DOK5: variants seen among roughly 807,000 people sequenced by gnomAD.
The protein encoded by DOK5 is downstream of tyrosine kinase 5.
Under a neutral mutation model 43.3 loss-of-function variants are expected in DOK5, and 27 were observed. The ratio of observed to expected loss-of-function variants is 0.62; its 90% CI spans 0.46 to 0.86. The LOEUF (loss-of-function observed/expected upper bound fraction) is 0.86, where lower values mean the gene tolerates loss of function less well. Among genes scored for constraint, DOK5 ranks in the 40% least tolerant of loss-of-function variants. DOK5 has a pLI of 0.00. For missense variants in DOK5, 373 were observed against 392.9 expected, an observed-to-expected ratio of 0.95 and a Z score of 0.43; for synonymous variants, 146 against 140.1, an observed-to-expected ratio of 1.04 and a Z score of -0.30.
chr20:54,519,481 G>A (rs533489509), intron 1 of DOK5, among the ~76,000 whole-genome samples: 18 of 151,904 alleles, frequency 1.2e-4, no homozygotes, highest in Non-Finnish European at 2.5e-4. Flanking sequence ...CCTCTATAAG[G>A]ATGCAAAAGT....
intron 1 of DOK5, among the ~76,000 whole-genome samples, chr20:54,542,667 T>A (rs960971908): frequency 6.6e-6 from 1 of 152,128 alleles, no homozygotes; most frequent in African/African-American, 2.4e-5. Flanking sequence ...GAAAAACACA[T>A]ACTACAGGAC....
intron 5 of DOK5, among the ~76,000 whole-genome samples, chr20:54,608,272 T>C (rs555136735): frequency 6.6e-6 from 1 of 152,114 alleles, no homozygotes; most frequent in South Asian, 2.1e-4. Context: ...TAAATAAATA[T>C]ACAGTGACCT....
intron 1 of DOK5, among the ~76,000 whole-genome samples, chr20:54,554,495 A>G (rs1367205328): frequency 1.3e-5 from 2 of 152,234 alleles, no homozygotes; most frequent in African/African-American, 4.8e-5. Flanking sequence ...ACCATCCATT[A>G]TGAGGAATAT....
rs1215364485 is a variant in DOK5 at position 54,634,761 on chromosome 20, CT to C, written c.736-8685del. On this transcript the variant is annotated intron_variant, in intron 6 of 7. Coordinates refer to ENST00000262593, the MANE Select transcript of DOK5 (RefSeq NM_018431.5). ...TCTTCAGGGCATATACTACTATCTG[CT>C]TTTTTTTTTTTGGTAACAGGTTTAT... Among the ~76,000 whole-genome samples, 604 of 141,376 alleles carry C rather than the reference CT, an allele frequency of 4.3e-3. 3 individuals are homozygous for C. The highest frequency in any genetic ancestry group is 0.015 in the Middle Eastern group (4 of 268). 92.7% of individuals were successfully genotyped at this position (141,376 alleles called of 152,430 possible).
In DOK5 at chr20:54,638,010, G is replaced by T. The variant is rs947861728; in HGVS notation, c.736-5448G>T. Among the ~76,000 whole-genome samples, 5 of 151,616 alleles carry T rather than the reference G, an allele frequency of 3.3e-5. 1 individual carries two copies. Among genetic ancestry groups the T allele is most frequent in the South Asian group, 4.2e-4 (2 of 4,792 alleles). ...GGTGGCGGGCACCTGTAGTCCCAGT[G>T]ACTTGGGAGGCTGAGGCAGGAGAAT... On this transcript the variant is annotated intron_variant, in intron 6 of 7. Coordinates refer to ENST00000262593, the MANE Select transcript of DOK5 (RefSeq NM_018431.5).
intron 5 of DOK5, among the ~76,000 whole-genome samples, chr20:54,607,403 G>GGTGGGTGTGTGT (rs1986504540): frequency 6.9e-6 from 1 of 145,544 alleles, no homozygotes; most frequent in South Asian, 2.2e-4. Context: ...AGTGGTAAGT[G>GGTGGGTGTGTGT]GTGTGTGTGT....
intron 1 of DOK5, among the ~76,000 whole-genome samples, chr20:54,535,652 G>A (rs1398552922): frequency 1.3e-5 from 2 of 151,824 alleles, no homozygotes; most frequent in Non-Finnish European, 2.9e-5. Flanking sequence ...TGTGGTTTTA[G>A]AACAAAACTC....
chr20:54,519,075 A>G (rs8116290), intron 1 of DOK5, among the ~76,000 whole-genome samples: 4,374 of 152,260 alleles, frequency 0.029, 206 homozygotes, highest in African/African-American at 0.1. Flanking sequence ...AGAGGATGTG[A>G]AGAAATAGGA....
intron 1 of DOK5, among the ~76,000 whole-genome samples, chr20:54,501,553 A>G (rs73142925): frequency 0.055 from 8,349 of 151,536 alleles, 302 homozygotes; most frequent in Non-Finnish European, 0.082. Flanking sequence ...CTGATGTTCT[A>G]TTTGTTTTGC....
intron 1 of DOK5, among the ~76,000 whole-genome samples, chr20:54,539,455 A>G (rs746609171): frequency 2.6e-5 from 4 of 152,056 alleles, no homozygotes; most frequent in Non-Finnish European, 5.9e-5. Flanking sequence ...ATTATACTAT[A>G]GTTTTGGGGC....
intron 2 of DOK5, among the ~76,000 whole-genome samples, chr20:54,564,408 G>C (rs982712051): frequency 1.3e-5 from 2 of 152,076 alleles, no homozygotes; most frequent in Admixed American, 6.5e-5. Flanking sequence ...TCCAGCCTCG[G>C]CGACAAAGCA....
chr20:54,506,885 A>G (rs1982824782), intron 1 of DOK5, among the ~76,000 whole-genome samples: 1 of 150,068 alleles, frequency 6.7e-6, no homozygotes, highest in African/African-American at 2.4e-5. Context: ...ACTGCTCTGA[A>G]GCAGTGCAGC....
At chr20:54,541,981 C>G (rs1984176201) in intron 1 of DOK5, among the ~76,000 whole-genome samples, 1 of 151,916 alleles carries the variant, frequency 6.6e-6, no homozygotes, top group African/African-American at 2.4e-5. Context: ...TTCATGAGAA[C>G]TTCCCTGATC....
At chr20:54,500,216 G>A (rs536053426) in intron 1 of DOK5, among the ~76,000 whole-genome samples, 7 of 152,222 alleles carry the variant, frequency 4.6e-5, no homozygotes, top group Non-Finnish European at 1.0e-4. Context: ...CTCTTTGTGG[G>A]TTTATTTCTT....
At chr20:54,591,517 A>C in intron 4 of DOK5, 99 bp from the exon 5 acceptor site, 1 of 921,382 alleles carries the variant, frequency 1.1e-6, no homozygotes, top group Non-Finnish European at 1.6e-6. Flanking sequence ...GAAATCTAGA[A>C]TGTGAACTTG....
chr20:54,522,438 A>G (rs992002740), intron 1 of DOK5, among the ~76,000 whole-genome samples: 5 of 152,202 alleles, frequency 3.3e-5, no homozygotes, highest in African/African-American at 1.2e-4. Context: ...GTAGAGGCAG[A>G]CATGAGTGAA....
intron 6 of DOK5, among the ~76,000 whole-genome samples, chr20:54,612,319 T>C (rs1352892935): frequency 6.6e-6 from 1 of 152,132 alleles, no homozygotes; most frequent in Non-Finnish European, 1.5e-5. Flanking sequence ...TGAAGACTTG[T>C]GTATGATTTC....
chr20:54,627,122 A>C (rs1397120274), intron 6 of DOK5, among the ~76,000 whole-genome samples: 6 of 152,228 alleles, frequency 3.9e-5, no homozygotes, highest in Non-Finnish European at 8.8e-5. Context: ...TACGTATAAG[A>C]ATATCAGATT....
intron 2 of DOK5, among the ~76,000 whole-genome samples, chr20:54,582,887 T>G (rs760043005): frequency 7.2e-5 from 11 of 152,056 alleles, no homozygotes; most frequent in Non-Finnish European, 1.5e-4. Context: ...ATCTAATTTT[T>G]ATTATTTCCT....
Sources: allele counts gnomAD v4.1 joint callset (sites outside exome capture counted in the v4.1 genomes callset), GRCh38; gene constraint gnomAD v4.1.1; transcripts MANE v1.5; gene names NCBI Gene and HGNC (gene_info 2026-07-23, HGNC 2026-07-21).